Variants in MICU1 observed in about 807,000 individuals in gnomAD.
MICU1 encodes the protein mitochondrial calcium uptake 1.
A neutral mutation model predicts 56.8 loss-of-function variants in MICU1; 45 were observed. The observed-to-expected ratio is 0.79, with a 90% confidence interval of 0.62 to 1.02. The LOEUF (loss-of-function observed/expected upper bound fraction) is 1.02, where lower values mean the gene tolerates loss of function less well. Among genes scored for constraint, MICU1 ranks in the 50% least tolerant of loss-of-function variants. The pLI, the probability that MICU1 is intolerant of heterozygous loss-of-function variation, is 0.00. For synonymous variants in MICU1, 186 were observed against 195.1 expected (o/e 0.95, Z 0.39); for missense variants, 504 against 587.1 (o/e 0.86, Z 1.46).
At chr10:72,463,588 A>AT (rs1416292695) in intron 8 of MICU1, among the ~76,000 whole-genome samples, 1 of 152,224 alleles carries the variant, frequency 6.6e-6, no homozygotes, top group African/African-American at 2.4e-5. Flanking sequence ...AACCATGGAG[A>AT]TTCTACCATA....
intron 9 of MICU1, among the ~76,000 whole-genome samples, chr10:72,421,111 G>A (rs544929364): frequency 1.1e-4 from 16 of 151,448 alleles, no homozygotes; most frequent in Non-Finnish European, 1.8e-4. Flanking sequence ...TGATTCTCCT[G>A]CCTCGGCCTC....
At chr10:72,584,856 T>A (rs576502878) in intron 1 of MICU1, among the ~76,000 whole-genome samples, 4 of 152,218 alleles carry the variant, frequency 2.6e-5, no homozygotes, top group African/African-American at 9.6e-5. Context: ...AAATACTTTT[T>A]AATGTACCTA....
intron 8 of MICU1, among the ~76,000 whole-genome samples, chr10:72,474,723 T>A (rs1866060007): frequency 6.6e-6 from 1 of 152,204 alleles, no homozygotes; most frequent in Non-Finnish European, 1.5e-5. Context: ...CAGCTCTTAC[T>A]ACCTTTGCAA....
At chr10:72,560,111 A>T (rs1564934734) in intron 3 of MICU1, among the ~76,000 whole-genome samples, 1 of 152,214 alleles carries the variant, frequency 6.6e-6, no homozygotes, top group East Asian at 1.9e-4. Context: ...CAGAGGGAAA[A>T]AAATGAATGG....
At chr10:72,492,924 C>T (rs1217527281) in intron 6 of MICU1, among the ~76,000 whole-genome samples, 3 of 151,930 alleles carry the variant, frequency 2.0e-5, no homozygotes, top group Non-Finnish European at 4.4e-5. Context: ...CAAGACCAGT[C>T]TGGCCAACAT....
intron 10 of MICU1, among the ~76,000 whole-genome samples, chr10:72,399,958 AAAAC>A (rs139130919): frequency 0.041 from 6,268 of 152,258 alleles, 419 homozygotes; most frequent in African/African-American, 0.14. Flanking sequence ...ACTCCATCTC[AAAAC>A]AAACAAACAA....
intron 1 of MICU1, 106 bp from the exon 2 acceptor site, chr10:72,566,900 G>A (rs967790059): frequency 2.1e-6 from 2 of 945,268 alleles, no homozygotes; most frequent in African/African-American, 3.3e-5. Flanking sequence ...ATTGCTCTAT[G>A]ACAGGCACTA....
chr10:72,373,870 G>C (rs1002314977), intron 11 of MICU1, among the ~76,000 whole-genome samples: 1 of 152,184 alleles, frequency 6.6e-6, no homozygotes, highest in African/African-American at 2.4e-5. Context: ...GCACTGCTGT[G>C]CATTAGAACT....
chr10:72,574,044 A>C (rs1840681415), intron 1 of MICU1, among the ~76,000 whole-genome samples: 1 of 152,098 alleles, frequency 6.6e-6, no homozygotes, highest in East Asian at 1.9e-4. Context: ...CTGACCCCTG[A>C]CAACTGCACA....
chr10:72,489,061 G>A (rs1866563793), intron 6 of MICU1, among the ~76,000 whole-genome samples: 1 of 152,156 alleles, frequency 6.6e-6, no homozygotes, highest in Non-Finnish European at 1.5e-5. Flanking sequence ...GGCTGAGGCA[G>A]GTGGATCACT....
intron 1 of MICU1, among the ~76,000 whole-genome samples, chr10:72,613,066 T>G (rs1841892713): frequency 6.6e-6 from 1 of 152,078 alleles, no homozygotes; most frequent in Admixed American, 6.6e-5. Context: ...CCTTTATAGC[T>G]TATTTTAAAA....
At chr10:72,386,328 C>G (rs563308842) in intron 10 of MICU1, among the ~76,000 whole-genome samples, 1 of 152,030 alleles carries the variant, frequency 6.6e-6, no homozygotes, top group Non-Finnish European at 1.5e-5. Flanking sequence ...ATTACAGGTG[C>G]CCACCACCAC....
chr10:72,472,803 C>T (rs1865990148), intron 8 of MICU1, among the ~76,000 whole-genome samples: 1 of 152,090 alleles, frequency 6.6e-6, no homozygotes, highest in African/African-American at 2.4e-5. Flanking sequence ...TTTCTGGTCA[C>T]AAAAACATCA....
chr10:72,532,299 C>A (rs1288647853), intron 5 of MICU1, among the ~76,000 whole-genome samples: 5 of 150,938 alleles, frequency 3.3e-5, no homozygotes, highest in African/African-American at 1.2e-4. Context: ...GCCCAGGCGA[C>A]AGAGCGAGAC....
intron 10 of MICU1, among the ~76,000 whole-genome samples, chr10:72,403,856 T>C (rs1017153847): frequency 2.0e-5 from 3 of 151,800 alleles, no homozygotes; most frequent in Admixed American, 6.6e-5. Context: ...GGGGTTTCAC[T>C]GTGTTAGCCA....
chr10:72,594,075 A>G (rs181328023), intron 1 of MICU1, among the ~76,000 whole-genome samples: 108 of 152,334 alleles, frequency 7.1e-4, no homozygotes, highest in African/African-American at 2.3e-3. Flanking sequence ...TGAAAAAGAG[A>G]AACAATAAGG....
chr10:72,607,595 C>A (rs904185712), intron 1 of MICU1, among the ~76,000 whole-genome samples: 1 of 149,948 alleles, frequency 6.7e-6, no homozygotes, highest in Non-Finnish European at 1.5e-5. Context: ...CAAGATCGCA[C>A]CATTGCACTC....
At chr10:72,386,987 C>T (rs1589159647) in intron 10 of MICU1, among the ~76,000 whole-genome samples, 1 of 152,176 alleles carries the variant, frequency 6.6e-6, no homozygotes, top group African/African-American at 2.4e-5. Flanking sequence ...ATTAAAACTG[C>T]CACACTTCTT....
intron 1 of MICU1, among the ~76,000 whole-genome samples, chr10:72,623,591 C>A (rs770742081): frequency 5.3e-5 from 8 of 152,004 alleles, no homozygotes; most frequent in Non-Finnish European, 1.2e-4. Flanking sequence ...GTAATCCCAG[C>A]ATTTTGGGAG....
Sources: allele counts gnomAD v4.1 joint callset (sites outside exome capture counted in the v4.1 genomes callset), GRCh38; gene constraint gnomAD v4.1.1; transcripts MANE v1.5; gene names NCBI Gene and HGNC (gene_info 2026-07-23, HGNC 2026-07-21).